GPC3: variants seen among roughly 807,000 people sequenced by gnomAD.
GPC3 encodes the protein glypican 3.
In GPC3, 3 loss-of-function variants were observed where a neutral mutation model predicts 34.4. That is an observed-to-expected ratio of 0.09 (90% CI 0.04 to 0.23). GPC3 has a LOEUF of 0.23. Ranked by LOEUF, GPC3 falls within the 10% of genes least tolerant of loss-of-function variation. The pLI is 1.00. For synonymous variants in GPC3, 177 were observed against 174.0 expected (o/e 1.02, Z -0.13); for missense variants, 351 against 445.6 (o/e 0.79, Z 1.91).
At chrX:133,795,943 C>CTTTTTTTT (rs753300332) in intron 2 of GPC3, among the ~76,000 whole-genome samples, 1 of 84,937 alleles carries the variant, frequency 1.2e-5, no homozygotes, top group Non-Finnish European at 2.3e-5. Flanking sequence ...TTTCTTTTTC[C>CTTTTTTTT]TTTTTTTTTT....
chrX:133,925,385 C>T (rs1013857504), intron 2 of GPC3, among the ~76,000 whole-genome samples: 1 of 110,922 alleles, frequency 9.0e-6, no homozygotes, highest in Non-Finnish European at 1.9e-5. Context: ...TGGCTGGTTC[C>T]CTCACTGATT....
chrX:133,863,614 C>T (rs1007175711), intron 2 of GPC3, among the ~76,000 whole-genome samples: 6 of 105,457 alleles, frequency 5.7e-5, no homozygotes, highest in African/African-American at 1.8e-4. Context: ...CACACACACA[C>T]ACACACACAC....
At chrX:133,849,576 G>A (rs755804830) in intron 2 of GPC3, among the ~76,000 whole-genome samples, 2 of 110,177 alleles carry the variant, frequency 1.8e-5, no homozygotes, top group East Asian at 2.9e-4. Flanking sequence ...GCTTCCCTTC[G>A]ACCACTTTCA....
At chrX:133,774,558 CATGTTAAA>C (rs1454058683) in intron 2 of GPC3, among the ~76,000 whole-genome samples, 1 of 110,863 alleles carries the variant, frequency 9.0e-6, no homozygotes, top group Admixed American at 9.6e-5. Flanking sequence ...ATTATGGCAT[CATGTTAAA>C]ATATATCTCT....
At chrX:133,974,767 C>A (rs1242338703) in intron 1 of GPC3, among the ~76,000 whole-genome samples, 1 of 111,203 alleles carries the variant, frequency 9.0e-6, no homozygotes, top group Non-Finnish European at 1.9e-5. Context: ...CATCTGTTCC[C>A]AGGGCTTCAA....
intron 2 of GPC3, chrX:133,762,801 C>T (rs1443330996): frequency 1.9e-5 from 9 of 485,256 alleles, no homozygotes; most frequent in African/African-American, 4.7e-5. Context: ...TCACAACGTC[C>T]GGAGCCCTTG....
rs749028183 is a variant in GPC3 at position 133,648,791 on chromosome X, C to A, written c.1413+12939G>T. On this transcript the variant is annotated intron_variant, in intron 6 of 7. Coordinates refer to ENST00000370818, the MANE Select transcript of GPC3 (RefSeq NM_004484.4). ...TCATGTCTTTGAGCCACTGCTCATGCCATATTCCTCTGCCAGGAAGATCCT... is the reference window on the plus strand; with the variant it reads ...TCATGTCTTTGAGCCACTGCTCATGACATATTCCTCTGCCAGGAAGATCCT... 4.4e-5 allele frequency among the ~76,000 whole-genome samples: 5 copies of A among 112,369 alleles called. No homozygotes were observed. In the South Asian group the frequency reaches 1.9e-3, roughly 42 times the overall value.
intron 7 of GPC3, among the ~76,000 whole-genome samples, chrX:133,576,796 A>G (rs1488214882): frequency 2.7e-5 from 3 of 109,835 alleles, no homozygotes. Context: ...GAAGCCATCA[A>G]GAATATGTTT....
At chrX:133,611,514 C>G (rs1367141400) in intron 6 of GPC3, among the ~76,000 whole-genome samples, 1 of 112,066 alleles carries the variant, frequency 8.9e-6, no homozygotes, top group Non-Finnish European at 1.9e-5. Context: ...CTATTCATTT[C>G]TTTCTATCTA....
intron 2 of GPC3, among the ~76,000 whole-genome samples, chrX:133,895,844 C>T (rs781705899): frequency 1.8e-5 from 2 of 111,290 alleles, no homozygotes; most frequent in African/African-American, 3.3e-5. Flanking sequence ...TTCTGATTAC[C>T]GAAGAGAGTT....
intron 2 of GPC3, among the ~76,000 whole-genome samples, chrX:133,840,194 A>G (rs1490547806): frequency 2.7e-5 from 3 of 111,278 alleles, no homozygotes; most frequent in Admixed American, 1.9e-4. Flanking sequence ...TAGAGAGGAC[A>G]CTAAAGTAAC....
intron 7 of GPC3, among the ~76,000 whole-genome samples, chrX:133,595,252 A>G (rs745792638): frequency 9.0e-6 from 1 of 111,200 alleles, no homozygotes; most frequent in Non-Finnish European, 1.9e-5. Flanking sequence ...GCCATGGGTG[A>G]TAGGGTTTTA....
chrX:133,977,723 C>T (rs1485153579), intron 1 of GPC3, among the ~76,000 whole-genome samples: 2 of 111,233 alleles, frequency 1.8e-5, no homozygotes, highest in Admixed American at 9.5e-5. Context: ...GAACATCATC[C>T]CTTCGTTTTT....
At chrX:133,747,015 A>T (rs1332412805) in intron 3 of GPC3, among the ~76,000 whole-genome samples, 2 of 111,748 alleles carry the variant, frequency 1.8e-5, no homozygotes, top group Admixed American at 1.9e-4. Context: ...ATCAACAGAG[A>T]ATCTTCCCCA....
chrX:133,761,212 G>A (rs979468249), intron 2 of GPC3, among the ~76,000 whole-genome samples: 5 of 111,977 alleles, frequency 4.5e-5, no homozygotes, highest in Non-Finnish European at 9.4e-5. Context: ...ACATTTCAAT[G>A]TTATTTTTAA....
At chrX:133,703,477 T>TC (rs2071183931) in intron 3 of GPC3, among the ~76,000 whole-genome samples, 1 of 107,548 alleles carries the variant, frequency 9.3e-6, no homozygotes, top group African/African-American at 3.4e-5. Context: ...TTTTTTTTTT[T>TC]TAAGACAGAG....
At chrX:133,604,957 C>A (rs2070030764) in intron 6 of GPC3, among the ~76,000 whole-genome samples, 1 of 111,730 alleles carries the variant, frequency 9.0e-6, no homozygotes, top group East Asian at 2.8e-4. Context: ...TCCAATGAAG[C>A]CCAGCTTTTT....
intron 2 of GPC3, among the ~76,000 whole-genome samples, chrX:133,835,145 C>A (rs1459345134): frequency 1.8e-5 from 2 of 112,004 alleles, no homozygotes; most frequent in Non-Finnish European, 3.8e-5. Context: ...AATTTGGTCA[C>A]TTAAATAAAG....
At chrX:133,676,070 A>G (rs2070881718) in intron 5 of GPC3, among the ~76,000 whole-genome samples, 1 of 112,223 alleles carries the variant, frequency 8.9e-6, no homozygotes, top group Admixed American at 9.4e-5. Context: ...ATATTGCTTC[A>G]TGAGCCATCT....
Sources: allele counts gnomAD v4.1 joint callset (sites outside exome capture counted in the v4.1 genomes callset), GRCh38; gene constraint gnomAD v4.1.1; transcripts MANE v1.5; gene names NCBI Gene and HGNC (gene_info 2026-07-23, HGNC 2026-07-21).